The following SUGCT variants were observed in gnomAD, a reference collection of about 807,000 sequenced individuals.
SUGCT encodes the protein succinyl-CoA:glutarate CoA-transferase.
Under a neutral mutation model 55.0 loss-of-function variants are expected in SUGCT, and 41 were observed. The ratio of observed to expected loss-of-function variants is 0.74; its 90% CI spans 0.58 to 0.97. The LOEUF is 0.97. SUGCT is among the 50% of genes least tolerant of loss of function. The pLI is 0.00. For synonymous variants in SUGCT, 187 were observed against 200.4 expected (o/e 0.93, Z 0.56); for missense variants, 568 against 547.8 (o/e 1.04, Z -0.37).
chr7:40,576,022 G>C (rs1260417463), intron 12 of SUGCT, among the ~76,000 whole-genome samples: 3 of 151,962 alleles, frequency 2.0e-5, no homozygotes, highest in African/African-American at 7.3e-5. Flanking sequence ...AAACTAGACA[G>C]TATCACTGAG....
intron 8 of SUGCT, among the ~76,000 whole-genome samples, chr7:40,294,986 G>A (rs981908301): frequency 1.2e-4 from 19 of 152,206 alleles, no homozygotes; most frequent in African/African-American, 4.1e-4. Context: ...AAATTAACCA[G>A]AAACTGTGTT....
the SUGCT span, among the ~76,000 whole-genome samples, chr7:40,869,750 C>A: frequency 6.6e-6 from 1 of 152,080 alleles, no homozygotes; most frequent in Admixed American, 6.5e-5. Flanking sequence ...CTCCTCCAAT[C>A]TGGGTCAGTC....
intron 9 of SUGCT, among the ~76,000 whole-genome samples, chr7:40,405,375 TTC>T (rs1786302217): frequency 1.3e-5 from 2 of 152,244 alleles, no homozygotes. Flanking sequence ...TCTTTTCTTT[TTC>T]TTTTTCTTTA....
intron 12 of SUGCT, among the ~76,000 whole-genome samples, chr7:40,631,851 A>G (rs1799803195): frequency 6.6e-6 from 1 of 152,204 alleles, no homozygotes; most frequent in Admixed American, 6.5e-5. Flanking sequence ...ACAGGCTCCT[A>G]TCTTTTCTTC....
intron 7 of SUGCT, among the ~76,000 whole-genome samples, chr7:40,246,706 C>T (rs542935213): frequency 3.3e-5 from 5 of 151,224 alleles, no homozygotes; most frequent in Non-Finnish European, 7.4e-5. Flanking sequence ...AAGCGATTCT[C>T]GTGCCTCAGC....
Position 40,446,713 on chromosome 7 carries a change from A to G in SUGCT, c.817-2574A>G, listed in dbSNP as rs1788857200. 1.3e-5 allele frequency among the ~76,000 whole-genome samples: 2 copies of G among 152,172 alleles called. 1 individual carries two copies. The highest frequency in any genetic ancestry group is 1.3e-4 in the Admixed American group (2 of 15,264). ...ATTAGCATTTACCAACTATTTATTA[A>G]TTGCCTAACATTCTTCAGATATCAT... is the stretch of plus-strand genomic sequence containing the variant. On this transcript the variant is annotated intron_variant, in intron 9 of 13. Transcript: ENST00000335693.
At chr7:40,154,724 ACATTTCATTGCCTGCG>A (rs1783796691) in intron 1 of SUGCT, among the ~76,000 whole-genome samples, 1 of 152,192 alleles carries the variant, frequency 6.6e-6, no homozygotes, top group Non-Finnish European at 1.5e-5. Flanking sequence ...ATCTTAGGCC[ACATTTCATTGCCTGCG>A]TATCTGTGCT....
chr7:40,377,243 C>T (rs62453375), intron 9 of SUGCT, among the ~76,000 whole-genome samples: 12,232 of 14,630 alleles, frequency 0.84, 5,694 homozygotes, highest in Middle Eastern at 0.94. Flanking sequence ...CCCTTCCTTC[C>T]TTCCTTCTTT....
At chr7:40,466,017 A>C (rs1790089613) in intron 11 of SUGCT, among the ~76,000 whole-genome samples, 1 of 152,116 alleles carries the variant, frequency 6.6e-6, no homozygotes, top group Admixed American at 6.6e-5. Context: ...AAGTAGCTAA[A>C]ACTACAGATG....
At chr7:40,737,886 T>G (rs1384250549) in intron 12 of SUGCT, among the ~76,000 whole-genome samples, 2 of 151,448 alleles carry the variant, frequency 1.3e-5, no homozygotes, top group Non-Finnish European at 2.9e-5. Flanking sequence ...ATGGTGCCAC[T>G]GCACTCTGGC....
intron 1 of SUGCT, chr7:40,153,821 A>G (rs1016978633): frequency 1.0e-5 from 4 of 386,026 alleles, no homozygotes; most frequent in African/African-American, 6.3e-5. Flanking sequence ...GATAAATGCA[A>G]TATGCCATTA....
intron 11 of SUGCT, among the ~76,000 whole-genome samples, chr7:40,481,635 A>C (rs1051573321): frequency 1.3e-5 from 2 of 152,124 alleles, no homozygotes; most frequent in Non-Finnish European, 2.9e-5. Flanking sequence ...ATCATCAAAA[A>C]GATATAACCA....
At chr7:40,422,599 A>G (rs1237154946) in intron 9 of SUGCT, among the ~76,000 whole-genome samples, 4 of 152,102 alleles carry the variant, frequency 2.6e-5, no homozygotes, top group Non-Finnish European at 4.4e-5. Flanking sequence ...TTTCCAGGAC[A>G]TTTCAGTCAA....
chr7:40,335,368 T>G (rs1241907442), intron 9 of SUGCT, among the ~76,000 whole-genome samples: 1 of 151,944 alleles, frequency 6.6e-6, no homozygotes, highest in East Asian at 1.9e-4. Context: ...TATTGATTCT[T>G]CCTATCCATG....
chr7:40,354,847 A>G (rs1797813044), intron 9 of SUGCT, among the ~76,000 whole-genome samples: 1 of 152,232 alleles, frequency 6.6e-6, no homozygotes, highest in Non-Finnish European at 1.5e-5. Context: ...TTTTGGTGCC[A>G]AGCACTTGGC....
chr7:40,961,547 T>C, the SUGCT span, among the ~76,000 whole-genome samples: 2 of 152,236 alleles, frequency 1.3e-5, no homozygotes. Context: ...CCAGCTCTTC[T>C]TCATTTGCTT....
intron 9 of SUGCT, among the ~76,000 whole-genome samples, chr7:40,340,723 G>A (rs1796997583): frequency 6.6e-6 from 1 of 152,138 alleles, no homozygotes; most frequent in Non-Finnish European, 1.5e-5. Flanking sequence ...TCAAGACACA[G>A]CACAAAAAGG....
intron 12 of SUGCT, among the ~76,000 whole-genome samples, chr7:40,680,853 C>T (rs1190160285): frequency 6.6e-6 from 1 of 152,154 alleles, no homozygotes; most frequent in East Asian, 1.9e-4. Context: ...GTAGGTGAGG[C>T]TCTAGGGGCA....
At chr7:40,469,779 T>G (rs374571836) in intron 11 of SUGCT, among the ~76,000 whole-genome samples, 1 of 152,064 alleles carries the variant, frequency 6.6e-6, no homozygotes, top group Non-Finnish European at 1.5e-5. Flanking sequence ...GAGGAAGAAT[T>G]AGGTGGTGGT....
Sources: gnomAD v4.1 joint callset for allele counts (sites outside exome capture counted in the v4.1 genomes callset) on GRCh38, gnomAD v4.1.1 for gene constraint, MANE v1.5 for transcripts, NCBI Gene and HGNC (gene_info 2026-07-23, HGNC 2026-07-21) for gene names.